ANKRD17: variants seen among roughly 807,000 people sequenced by gnomAD.
ANKRD17 encodes the protein ankyrin repeat domain-containing protein 17.
Under a neutral mutation model 229.7 loss-of-function variants are expected in ANKRD17, and 19 were observed. That is an observed-to-expected ratio of 0.08 (90% CI 0.06 to 0.12). ANKRD17 has a LOEUF of 0.12. Ranked by LOEUF, ANKRD17 falls within the 10% of genes least tolerant of loss-of-function variation. The pLI, the probability that ANKRD17 is intolerant of heterozygous loss-of-function variation, is 1.00. For synonymous variants in ANKRD17, 1,112 were observed against 1,146.1 expected (o/e 0.97, Z 0.60); for missense variants, 2,176 against 3,176.8 (o/e 0.68, Z 7.57).
At chr4:73,231,565 G>A (rs1355285686) in intron 1 of ANKRD17, among the ~76,000 whole-genome samples, 1 of 152,212 alleles carries the variant, frequency 6.6e-6, no homozygotes, top group East Asian at 1.9e-4. Flanking sequence ...GACTGCCTGT[G>A]ATATCATGAA....
intron 1 of ANKRD17, among the ~76,000 whole-genome samples, chr4:73,252,613 T>C (rs1409723943): frequency 6.6e-6 from 1 of 152,158 alleles, no homozygotes; most frequent in Non-Finnish European, 1.5e-5. Context: ...ACAAAATCTT[T>C]TGTTTAATAT....
intron 1 of ANKRD17, among the ~76,000 whole-genome samples, chr4:73,214,852 A>C: frequency 6.7e-6 from 1 of 150,326 alleles, no homozygotes; most frequent in Admixed American, 6.6e-5. Context: ...TCTATTAAAA[A>C]AAAAAAAAAA....
At chr4:73,096,080 T>C (rs1578030634) in intron 27 of ANKRD17, among the ~76,000 whole-genome samples, 1 of 152,188 alleles carries the variant, frequency 6.6e-6, no homozygotes, top group East Asian at 1.9e-4. Flanking sequence ...TATAGTTCAA[T>C]AAACAAGCAA....
intron 25 of ANKRD17, among the ~76,000 whole-genome samples, chr4:73,099,663 C>T (rs920700497): frequency 6.6e-5 from 10 of 152,192 alleles, no homozygotes; most frequent in African/African-American, 2.2e-4. Flanking sequence ...GGGGTGCTGG[C>T]GCCAGGATTC....
At position 73,090,901 on chromosome 4, in the gene ANKRD17, G is replaced by A. The variant is rs1039183152; in HGVS notation, c.6727C>T (p.Pro2243Ser). ...AATGGTAAGGGGGCACTGAAATTGG[G>A]AGCAATAGGCTTATTTGCTGGATGT... ...SVHPANKPIAPNFSAPLPFGP... is the reference protein window; with the variant it reads ...SVHPANKPIASNFSAPLPFGP... The change falls in exon 29 of 34, where the codon CCC becomes TCC. Residue 2243 changes from proline (P) to serine (S), a missense_variant. Physicochemically the swap from Pro to Ser is moderately conservative, Grantham distance 74 (BLOSUM62 -1). Transcript: ENST00000358602. The A allele has an allele frequency of 2.5e-6, 4 of 1,614,218 alleles. No homozygotes were observed. Among genetic ancestry groups the A allele is most frequent in the Middle Eastern group, 1.6e-4 (1 of 6,062 alleles).
chr4:73,109,348 G>A (rs1054277170), intron 24 of ANKRD17, among the ~76,000 whole-genome samples: 1 of 151,964 alleles, frequency 6.6e-6, no homozygotes, highest in African/African-American at 2.4e-5. Context: ...GTATATGGGT[G>A]TAGATATTGG....
intron 1 of ANKRD17, among the ~76,000 whole-genome samples, chr4:73,235,863 T>G (rs1490159516): frequency 6.6e-6 from 1 of 151,948 alleles, no homozygotes; most frequent in East Asian, 1.9e-4. Context: ...TTTAAAATTT[T>G]TTCTTTTTTT....
intron 25 of ANKRD17, 187 bp from the exon 26 acceptor site, chr4:73,098,707 C>T (rs1723591450): frequency 1.1e-6 from 1 of 878,822 alleles, no homozygotes; most frequent in Admixed American, 2.0e-5. Context: ...ACGTTCTGTT[C>T]AAAGAATAGC....
At chr4:73,149,653 G>T (rs776882859) in intron 7 of ANKRD17, among the ~76,000 whole-genome samples, 6 of 152,060 alleles carry the variant, frequency 3.9e-5, no homozygotes, top group Non-Finnish European at 8.8e-5. Flanking sequence ...GATTGCTTGA[G>T]CCCAGGAGTT....
chr4:73,092,091 G>A lies in ANKRD17; in HGVS notation c.5537C>T (p.Ser1846Phe). 6.2e-7 allele frequency: 1 copy of A among 1,614,234 alleles called. No individual in the cohort carries two copies. The highest frequency in any genetic ancestry group is 8.5e-7 in the Non-Finnish European group (1 of 1,180,040). Residue 1846 changes from serine to phenylalanine, a missense_variant, in exon 29 of 34, where the codon TCT becomes TTT. By Grantham distance (155) the Ser-to-Phe change is radical. This residue lies in a region of ANKRD17 where 142 missense variants were observed against 200.4 expected (regional missense o/e 0.71). Coordinates refer to ENST00000358602, the MANE Select transcript of ANKRD17 (RefSeq NM_032217.5). Reference protein sequence around the residue: ...KMTTVALSSTSQTATALTVPA... With the variant: ...KMTTVALSSTFQTATALTVPA... The stretch of plus-strand genomic sequence containing the variant: ...CACAGTGAGTGCTGTGGCAGTTTGA[G>A]ATGTTGATGACAGAGCTACAGTTGT...
chr4:73,155,830 A>G, intron 4 of ANKRD17, 52 bp from the exon 5 acceptor site: 1 of 1,591,520 alleles, frequency 6.3e-7, no homozygotes, highest in Non-Finnish European at 8.6e-7. Flanking sequence ...TCGTCAAAAA[A>G]TTTTGAACAC....
chr4:73,135,043 T>C (rs2098377234), intron 16 of ANKRD17, 74 bp downstream of exon 16: 2 of 1,442,880 alleles, frequency 1.4e-6, no homozygotes, highest in Non-Finnish European at 1.9e-6. Context: ...ATGGTTTAAA[T>C]CTCTGAAAGT....
intron 30 of ANKRD17, 35 bp from the exon 31 acceptor site, chr4:73,078,925 C>A: frequency 1.9e-6 from 3 of 1,585,692 alleles, no homozygotes; most frequent in South Asian, 2.3e-5. Flanking sequence ...AAATACAGGT[C>A]ATCTATAGAA....
chr4:73,139,850 A>T lies in ANKRD17; in HGVS notation c.2766T>A (p.Ser922=), dbSNP rs1289586207. Residue 922 remains serine (S), a synonymous_variant, in exon 15 of 34, where the codon TCT becomes TCA. Coordinates refer to ENST00000358602, the MANE Select transcript of ANKRD17 (RefSeq NM_032217.5). The stretch of plus-strand genomic sequence containing the variant: ...GCTGTAACCGTGCATAGTCTCCCTC[A>T]GAAAGCTGCTCTCCAACTCCAACAG... ...LTPVGVGEQL[S]EGDYARLQQV... The T allele has an allele frequency of 3.1e-6, 5 of 1,614,240 alleles. No homozygotes were observed. Among genetic ancestry groups the T allele is most frequent in the Non-Finnish European group, 4.2e-6 (5 of 1,180,036 alleles).
Position 73,113,777 on chromosome 4 carries a change from A to G in ANKRD17, c.4401+15T>C. The G allele has an allele frequency of 1.3e-6, 2 of 1,588,534 alleles. No individual in the cohort carries two copies. The highest frequency in any genetic ancestry group is 1.7e-6 in the Non-Finnish European group (2 of 1,157,590). On this transcript the variant is annotated intron_variant, in intron 24 of 33. Transcript: ENST00000358602. ...AAAAAAGTGGGTAGTTTTCATGTGTAAAGATTATTGTTACCTTTTCCAAGT... is the reference window on the plus strand; with the variant it reads ...AAAAAAGTGGGTAGTTTTCATGTGTGAAGATTATTGTTACCTTTTCCAAGT...
intron 1 of ANKRD17, among the ~76,000 whole-genome samples, chr4:73,185,877 A>G (rs1736231470): frequency 6.6e-6 from 1 of 152,040 alleles, no homozygotes; most frequent in Admixed American, 6.5e-5. Context: ...ACATATTTTA[A>G]AAACTGAATA....
rs550742418 is a variant in ANKRD17 at position 73,162,800 on chromosome 4, A to G, written c.548-1452T>C. Among the ~76,000 whole-genome samples, 11 of 152,212 alleles carry G rather than the reference A, an allele frequency of 7.2e-5. 1 individual carries two copies. The highest frequency in any genetic ancestry group is 1.5e-4 in the Non-Finnish European group (10 of 67,996). On this transcript the variant is annotated intron_variant, in intron 2 of 33. Coordinates refer to ENST00000358602, the MANE Select transcript of ANKRD17 (RefSeq NM_032217.5). ...CCCCTAACCTTTATTATTTTAATTC[A>G]GTGGTGCTTAATCCAAGCTGCCCAT...
chr4:73,144,206 T>G (rs1420518886), intron 11 of ANKRD17, among the ~76,000 whole-genome samples: 4 of 152,232 alleles, frequency 2.6e-5, no homozygotes, highest in Admixed American at 2.6e-4. Context: ...TTATTTTATT[T>G]GGTCATTAAG....
rs567778312 is a variant in ANKRD17, at chr4:73,124,897, T to C, written c.3492+16A>G. 1.2e-6 allele frequency: 2 copies of C among 1,612,816 alleles called. No individual in the cohort carries two copies. The highest frequency in any genetic ancestry group is 2.2e-5 in the South Asian group (2 of 90,854). The stretch of plus-strand genomic sequence containing the variant: ...AACAGAGAAAGGAAAACAATTACAC[T>C]AAGGGGAAACATTACCTCCTGTCTT... On this transcript the variant is annotated intron_variant, in intron 18 of 33. Transcript: ENST00000358602.
Sources: allele counts gnomAD v4.1 joint callset (sites outside exome capture counted in the v4.1 genomes callset), GRCh38; gene constraint gnomAD v4.1.1; regional missense constraint gnomAD v4.1.1; transcripts MANE v1.5; gene names NCBI Gene and HGNC (gene_info 2026-07-23, HGNC 2026-07-21).